USP12: variants seen among roughly 807,000 people sequenced by gnomAD.
USP12 encodes ubiquitin specific peptidase 12.
Under a neutral mutation model 45.5 loss-of-function variants are expected in USP12, and 19 were observed. The ratio of observed to expected loss-of-function variants is 0.42; its 90% CI spans 0.29 to 0.61. The LOEUF (loss-of-function observed/expected upper bound fraction) is 0.61, where lower values mean the gene tolerates loss of function less well. Ranked by LOEUF, USP12 falls within the 20% of genes least tolerant of loss-of-function variation. The pLI, the probability that USP12 is intolerant of heterozygous loss-of-function variation, is 0.22. For synonymous variants in USP12, 149 were observed against 148.8 expected (o/e 1.00, Z -0.01); for missense variants, 242 against 447.7 (o/e 0.54, Z 4.15).
At chr13:27,164,434 G>A (rs1385170127) in intron 1 of USP12, among the ~76,000 whole-genome samples, 1 of 152,120 alleles carries the variant, frequency 6.6e-6, no homozygotes, top group South Asian at 2.1e-4. Context: ...AGAAGCTAAT[G>A]GTCCTTCTGA....
intron 1 of USP12, among the ~76,000 whole-genome samples, chr13:27,151,567 G>A (rs1033126867): frequency 1.3e-5 from 2 of 151,962 alleles, no homozygotes; most frequent in African/African-American, 4.8e-5. Context: ...GGATCCCGAG[G>A]GCCAGGAGTT....
chr13:27,161,971 C>CT (rs145472128), intron 1 of USP12, among the ~76,000 whole-genome samples: 5,338 of 152,242 alleles, frequency 0.035, 173 homozygotes, highest in African/African-American at 0.085. Flanking sequence ...TAATCTAAAA[C>CT]TTTGCTTCAT....
chr13:27,137,767 C>CG (rs1876872914), intron 1 of USP12, among the ~76,000 whole-genome samples: 1 of 152,144 alleles, frequency 6.6e-6, no homozygotes, highest in Non-Finnish European at 1.5e-5. Flanking sequence ...TAGAAAATGA[C>CG]GGAAGAGATG....
At chr13:27,103,607 A>ATAATAATAATAAT (rs1555234497) in intron 3 of USP12, among the ~76,000 whole-genome samples, 87 of 128,510 alleles carry the variant, frequency 6.8e-4, no homozygotes, top group Middle Eastern at 4.1e-3. Context: ...TCAAAAAAAA[A>ATAATAATAATAAT]AATAATAATA....
At chr13:27,158,570 G>A (rs1262825477) in intron 1 of USP12, among the ~76,000 whole-genome samples, 1 of 152,098 alleles carries the variant, frequency 6.6e-6, no homozygotes, top group African/African-American at 2.4e-5. Flanking sequence ...CTTGCTCCTA[G>A]GCCACAAACC....
chr13:27,163,768 TAAAA>T (rs34384911), intron 1 of USP12, among the ~76,000 whole-genome samples: 6 of 83,294 alleles, frequency 7.2e-5, no homozygotes, highest in Admixed American at 1.4e-4. Flanking sequence ...AGACCTGTCT[TAAAA>T]AAAAAAAAAA....
At chr13:27,079,940 A>G (rs1459584773) in intron 6 of USP12, among the ~76,000 whole-genome samples, 1 of 152,240 alleles carries the variant, frequency 6.6e-6, no homozygotes, top group East Asian at 1.9e-4. Flanking sequence ...TGAGGGGGTC[A>G]GGGCAAATAG....
intron 1 of USP12, among the ~76,000 whole-genome samples, chr13:27,142,477 C>T (rs1167776389): frequency 1.3e-5 from 2 of 152,142 alleles, no homozygotes; most frequent in Non-Finnish European, 2.9e-5. Flanking sequence ...ATTATACCAT[C>T]TTTATGAAAG....
intron 1 of USP12, among the ~76,000 whole-genome samples, chr13:27,154,466 A>G (rs1263480385): frequency 6.6e-6 from 1 of 152,188 alleles, no homozygotes; most frequent in Non-Finnish European, 1.5e-5. Context: ...CCTGAAGTAA[A>G]AATTCTCCTT....
intron 6 of USP12, among the ~76,000 whole-genome samples, chr13:27,076,160 G>A (rs1425765438): frequency 6.6e-6 from 1 of 151,946 alleles, no homozygotes; most frequent in Non-Finnish European, 1.5e-5. Flanking sequence ...CTGACAATAG[G>A]AGACTAAAAC....
chr13:27,131,027 G>C (rs1316165533), intron 1 of USP12, among the ~76,000 whole-genome samples: 1 of 152,208 alleles, frequency 6.6e-6, no homozygotes, highest in Non-Finnish European at 1.5e-5. Context: ...GAAATAACAA[G>C]AGCTGAATGA....
chr13:27,112,452 A>G (rs1282355855), intron 2 of USP12, among the ~76,000 whole-genome samples: 1 of 148,948 alleles, frequency 6.7e-6, no homozygotes, highest in Non-Finnish European at 1.5e-5. Flanking sequence ...AAATGCTCCC[A>G]GCATTTTTTT....
chr13:27,108,154 C>A (rs9512550), intron 2 of USP12, among the ~76,000 whole-genome samples: 1 of 150,024 alleles, frequency 6.7e-6, no homozygotes, highest in African/African-American at 2.5e-5. Context: ...CAATGATAGA[C>A]TGGATTAAGA....
At chr13:27,075,497 A>G in intron 6 of USP12, 109 bp from the exon 7 acceptor site, 1 of 989,778 alleles carries the variant, frequency 1.0e-6, no homozygotes, top group East Asian at 2.6e-5. Flanking sequence ...GTCAGTTTTA[A>G]TAGCCCAGCA....
rs536204721 is a variant in USP12, at chr13:27,168,512, TTAAGTA to T, written c.48+3074_48+3079del. ...CACTTTTCCCGTTATTTCACACTTATTAAGTATAATATTAAATATCAGGTAGGCAGG... is the reference window on the plus strand; with the variant it reads ...CACTTTTCCCGTTATTTCACACTTATTAATATTAAATATCAGGTAGGCAGG... On this transcript the variant is annotated intron_variant, in intron 1 of 8. Transcript: ENST00000282344. Among the ~76,000 whole-genome samples the T allele has an allele frequency of 1.1e-4, 16 of 152,328 alleles. No individual in the cohort carries two copies. The East Asian group carries it at 3.1e-3, about 29-fold the overall frequency.
At chr13:27,128,544 G>A (rs1177309067) in intron 1 of USP12, among the ~76,000 whole-genome samples, 2 of 152,178 alleles carry the variant, frequency 1.3e-5, no homozygotes, top group African/African-American at 4.8e-5. Context: ...AAAAGGGTGG[G>A]CAAGATGTGT....
At chr13:27,111,551 A>G (rs1361393519) in intron 2 of USP12, among the ~76,000 whole-genome samples, 1 of 152,152 alleles carries the variant, frequency 6.6e-6, no homozygotes, top group Non-Finnish European at 1.5e-5. Flanking sequence ...AGTGAATACA[A>G]TCTCATTCTT....
intron 1 of USP12, among the ~76,000 whole-genome samples, chr13:27,140,116 C>A (rs1176069965): frequency 6.6e-6 from 1 of 151,828 alleles, no homozygotes; most frequent in Admixed American, 6.6e-5. Flanking sequence ...TCATCTAATG[C>A]AATTCTAATC....
At chr13:27,075,435 C>G in intron 6 of USP12, 47 bp from the exon 7 acceptor site, 2 of 1,509,732 alleles carry the variant, frequency 1.3e-6, no homozygotes, top group South Asian at 2.4e-5. Context: ...AGATATCCAC[C>G]ATGTCCTTGA....
Sources: gnomAD v4.1 joint callset for allele counts (sites outside exome capture counted in the v4.1 genomes callset) on GRCh38, gnomAD v4.1.1 for gene constraint, MANE v1.5 for transcripts, NCBI Gene and HGNC (gene_info 2026-07-23, HGNC 2026-07-21) for gene names.